Variants in CDC123 observed in about 807,000 individuals in gnomAD.
The protein encoded by CDC123 is cell division cycle 123, also known as translation initiation factor eIF2 assembly protein.
CDC123 carries 37 observed loss-of-function variants against 54.4 expected under a neutral mutation model. The ratio of observed to expected loss-of-function variants is 0.68; its 90% CI spans 0.52 to 0.89. The LOEUF is 0.89. Ranked by LOEUF, CDC123 falls within the 40% of genes least tolerant of loss-of-function variation. The probability of loss-of-function intolerance (pLI) is 0.00; values close to 1 mark genes in which losing one functional copy is unlikely to be tolerated. For synonymous variants in CDC123, 144 were observed against 136.8 expected (o/e 1.05, Z -0.37); for missense variants, 361 against 412.1 (o/e 0.88, Z 1.07).
At chr10:12,222,486 T>C (rs900009495) in intron 6 of CDC123, among the ~76,000 whole-genome samples, 2 of 152,102 alleles carry the variant, frequency 1.3e-5, no homozygotes, top group African/African-American at 4.8e-5. Context: ...AAGAAAGAAA[T>C]ATGACACACA....
In CDC123 at chr10:12,204,409, T is replaced by A. The variant is rs150158751; in HGVS notation, c.147-5558T>A. On this transcript the variant is annotated intron_variant, in intron 2 of 12. Coordinates refer to ENST00000281141, the MANE Select transcript of CDC123 (RefSeq NM_006023.3). ...AGTGACATTTTTGCTTTCTGAATATTGTATAAAATTACCTTTGAGCCATGT... is the reference window on the plus strand; with the variant it reads ...AGTGACATTTTTGCTTTCTGAATATAGTATAAAATTACCTTTGAGCCATGT... Among the ~76,000 whole-genome samples, 994 of 152,318 alleles carry A rather than the reference T, an allele frequency of 6.5e-3. 13 individuals carry two copies. The highest frequency in any genetic ancestry group is 0.022 in the African/African-American group (931 of 41,558).
chr10:12,203,862 G>A (rs1035532331), intron 2 of CDC123, among the ~76,000 whole-genome samples: 1 of 152,150 alleles, frequency 6.6e-6, no homozygotes, highest in African/African-American at 2.4e-5. Context: ...GGAGGCGGAG[G>A]TAAGAGGATC....
intron 2 of CDC123, among the ~76,000 whole-genome samples, chr10:12,208,935 A>T (rs1443717821): frequency 6.6e-6 from 1 of 152,192 alleles, no homozygotes; most frequent in Non-Finnish European, 1.5e-5. Flanking sequence ...AATTTCTGAC[A>T]CCAGCCCGCA....
chr10:12,248,915 G>T (rs1836196585), intron 11 of CDC123, among the ~76,000 whole-genome samples: 1 of 152,092 alleles, frequency 6.6e-6, no homozygotes. Context: ...TTTGAGACCA[G>T]CCTGGCCAAC....
At chr10:12,201,509 G>T (rs1835438943) in intron 2 of CDC123, among the ~76,000 whole-genome samples, 2 of 152,200 alleles carry the variant, frequency 1.3e-5, no homozygotes, top group South Asian at 4.2e-4. Context: ...TTCCAGGTGG[G>T]GGGAACAGCA....
intron 1 of CDC123, 126 bp downstream of exon 1, chr10:12,196,445 G>A: frequency 8.0e-7 from 1 of 1,256,978 alleles, no homozygotes; most frequent in Non-Finnish European, 1.1e-6. Flanking sequence ...GTGTCGAGAG[G>A]GAAGTACATC....
intron 2 of CDC123, among the ~76,000 whole-genome samples, chr10:12,203,832 G>A (rs1225703159): frequency 6.6e-6 from 1 of 152,190 alleles, no homozygotes; most frequent in East Asian, 1.9e-4. Context: ...GGTGGCTCAT[G>A]CCTGTAATCT....
intron 6 of CDC123, among the ~76,000 whole-genome samples, chr10:12,225,564 G>A (rs577293463): frequency 5.9e-4 from 90 of 152,184 alleles, no homozygotes; most frequent in African/African-American, 2.0e-3. Flanking sequence ...TCAGCGTGCA[G>A]TAAGTAGTTA....
intron 2 of CDC123, among the ~76,000 whole-genome samples, chr10:12,204,238 G>A (rs1035387593): frequency 6.6e-6 from 1 of 152,122 alleles, no homozygotes; most frequent in African/African-American, 2.4e-5. Context: ...GACGCAGGTG[G>A]TACCTCCCTT....
intron 2 of CDC123, among the ~76,000 whole-genome samples, chr10:12,206,852 G>A (rs867865344): frequency 3.3e-5 from 5 of 151,736 alleles, no homozygotes; most frequent in African/African-American, 7.3e-5. Context: ...CCAGCTACTC[G>A]GGAGGCTGAG....
intron 2 of CDC123, among the ~76,000 whole-genome samples, chr10:12,206,393 G>A (rs1835519598): frequency 6.6e-6 from 1 of 152,248 alleles, no homozygotes; most frequent in African/African-American, 2.4e-5. Context: ...GAGAAAGGCT[G>A]GCCCCTTGGG....
At chr10:12,200,798 T>G (rs1835429041) in intron 2 of CDC123, among the ~76,000 whole-genome samples, 1 of 152,020 alleles carries the variant, frequency 6.6e-6, no homozygotes, top group Non-Finnish European at 1.5e-5. Context: ...CCGGGCATGG[T>G]GGTGGGCACC....
At chr10:12,211,915 C>T (rs12219071) in intron 4 of CDC123, among the ~76,000 whole-genome samples, 10 of 152,112 alleles carry the variant, frequency 6.6e-5, no homozygotes, top group East Asian at 5.8e-4. Flanking sequence ...GGTGAAACCC[C>T]GTCTCTACTA....
chr10:12,217,986 G>A (rs1456136210), intron 6 of CDC123, among the ~76,000 whole-genome samples: 1 of 152,068 alleles, frequency 6.6e-6, no homozygotes, highest in Non-Finnish European at 1.5e-5. Context: ...CTACTCGGGA[G>A]GCTGAGGCAG....
chr10:12,229,557 C>G (rs572969828), intron 6 of CDC123, among the ~76,000 whole-genome samples: 1 of 152,212 alleles, frequency 6.6e-6, no homozygotes, highest in Non-Finnish European at 1.5e-5. Context: ...GACTACCACT[C>G]CCCTCCGACA....
chr10:12,220,627 C>T lies in CDC123; in HGVS notation c.440+3160C>T, dbSNP rs192916852. Among the ~76,000 whole-genome samples the T allele has an allele frequency of 5.3e-5, 8 of 152,326 alleles. No homozygotes were observed. In the East Asian group the frequency reaches 7.7e-4, roughly 15 times the overall value. ...AAGTGTTGCCATCACATAAAAATTC[C>T]TTATTGATAGAACTCAGTAAAGATG... is the stretch of plus-strand genomic sequence containing the variant. On this transcript the variant is annotated intron_variant, in intron 6 of 12. Transcript: ENST00000281141.
intron 9 of CDC123, 113 bp from the exon 10 acceptor site, chr10:12,238,344 C>T (rs1836006388): frequency 3.3e-6 from 4 of 1,210,324 alleles, no homozygotes; most frequent in African/African-American, 1.6e-5. Flanking sequence ...ATGAAGTCCT[C>T]AGGGTCATTT....
rs550548677 is a variant in CDC123 at position 12,209,818 on chromosome 10, C to G, written c.147-149C>G. The G allele has an allele frequency of 5.0e-5, 35 of 705,602 alleles. No individual in the cohort carries two copies. The South Asian group carries it at 5.2e-4, about 10-fold the overall frequency. The allele number at this position is 705,602 out of a possible 1,614,324, so 43.7% of individuals were successfully genotyped here. On this transcript the variant is annotated intron_variant, in intron 2 of 12. Transcript: ENST00000281141. ...GACCTCAAGCGATCCACTCACTCAG[C>G]CTGCCAGAGTGCTAGGATTACAGGT...
chr10:12,219,665 C>T (rs2131743395), intron 6 of CDC123, among the ~76,000 whole-genome samples: 1 of 149,178 alleles, frequency 6.7e-6, no homozygotes, highest in Middle Eastern at 3.5e-3. Flanking sequence ...AAAATGCTGT[C>T]TACTTGATAA....
Sources: allele counts gnomAD v4.1 joint callset (sites outside exome capture counted in the v4.1 genomes callset), GRCh38; gene constraint gnomAD v4.1.1; transcripts MANE v1.5; gene names NCBI Gene and HGNC (gene_info 2026-07-23, HGNC 2026-07-21).